Variants in FRMD3 observed in about 807,000 individuals in gnomAD.
FRMD3 encodes the protein FERM domain-containing protein 3.
A neutral mutation model predicts 70.2 loss-of-function variants in FRMD3; 33 were observed. The observed-to-expected ratio is 0.47, with a 90% CI of 0.36 to 0.63. The LOEUF is 0.63. Ranked by LOEUF, FRMD3 falls within the 20% of genes least tolerant of loss-of-function variation. The pLI is 0.00. For synonymous variants in FRMD3, 279 were observed against 255.9 expected (o/e 1.09, Z -0.86); for missense variants, 632 against 711.4 (o/e 0.89, Z 1.27).
At chr9:83,477,404 G>A (rs1227650872) in intron 1 of FRMD3, among the ~76,000 whole-genome samples, 1 of 152,132 alleles carries the variant, frequency 6.6e-6, no homozygotes, top group East Asian at 1.9e-4. Context: ...CACTTTGGCT[G>A]CATTTCAGAG....
chr9:83,584,244 G>A, the FRMD3 span, among the ~76,000 whole-genome samples: 1 of 152,078 alleles, frequency 6.6e-6, no homozygotes, highest in Non-Finnish European at 1.5e-5. Flanking sequence ...CTGGGAGATG[G>A]AGGCTGCAGT....
intron 10 of FRMD3, among the ~76,000 whole-genome samples, chr9:83,305,894 C>T (rs1835113760): frequency 1.3e-5 from 2 of 152,212 alleles, no homozygotes; most frequent in African/African-American, 4.8e-5. Context: ...GAAGCATCCA[C>T]AAGTGACTGG....
At chr9:83,557,178 T>C in the FRMD3 span, among the ~76,000 whole-genome samples, 514 of 152,340 alleles carry the variant, frequency 3.4e-3, 3 homozygotes, top group African/African-American at 0.011. Flanking sequence ...AAATTTTGAT[T>C]TATCTGCTGA....
At chr9:83,269,246 G>A (rs182533222) in intron 13 of FRMD3, among the ~76,000 whole-genome samples, 1 of 152,310 alleles carries the variant, frequency 6.6e-6, no homozygotes, top group Non-Finnish European at 1.5e-5. Context: ...TTATCATCAT[G>A]TTAAAACAAC....
intron 1 of FRMD3, among the ~76,000 whole-genome samples, chr9:83,421,163 A>C (rs915140962): frequency 2.7e-5 from 4 of 150,206 alleles, no homozygotes; most frequent in Non-Finnish European, 5.9e-5. Flanking sequence ...GATGGTCTCG[A>C]TCTCCTGACC....
intron 1 of FRMD3, among the ~76,000 whole-genome samples, chr9:83,517,546 G>C (rs1037374958): frequency 7.1e-6 from 1 of 140,086 alleles, no homozygotes; most frequent in Admixed American, 7.2e-5. Flanking sequence ...ATTCACAGGC[G>C]AATTCTACCA....
intron 3 of FRMD3, among the ~76,000 whole-genome samples, chr9:83,355,908 A>G (rs1367402053): frequency 1.3e-5 from 2 of 152,222 alleles, no homozygotes; most frequent in Non-Finnish European, 2.9e-5. Context: ...CACTGAGAAC[A>G]GCAGGGCTCC....
At chr9:83,461,710 A>C in intron 1 of FRMD3, among the ~76,000 whole-genome samples, 1 of 77,750 alleles carries the variant, frequency 1.3e-5, no homozygotes, top group African/African-American at 4.7e-5. Flanking sequence ...TTTTTTTGAG[A>C]TGGAGTCTCA....
intron 1 of FRMD3, among the ~76,000 whole-genome samples, chr9:83,515,990 AACCGAT>A (rs1489487246): frequency 6.6e-6 from 1 of 152,184 alleles, no homozygotes; most frequent in South Asian, 2.1e-4. Context: ...GGGAAGGAAA[AACCGAT>A]ACCAGCCACT....
chr9:83,348,235 CTCTCTCTCTCTCT>C (rs1564027885), intron 4 of FRMD3, among the ~76,000 whole-genome samples: 1 of 151,506 alleles, frequency 6.6e-6, no homozygotes, highest in Non-Finnish European at 1.5e-5. Context: ...TCGCTCTCTC[CTCTCTCTCTCTCT>C]TCTCTCTCTC....
rs1470879868 is a variant in FRMD3, at chr9:83,537,621, T to C, written c.147+464A>G. ...AGCAGGTTCCGGGACTGAGGGCGTC[T>C]CCGGAGCCTGGGCGCGGGAGACAGA... On this transcript the variant is annotated intron_variant, in intron 1 of 13. Transcript: ENST00000304195. The surrounding 1 kb of genome is among the most constrained non-coding windows in gnomAD (Gnocchi z 4.1). Among the ~76,000 whole-genome samples, 1 of 152,174 alleles carries C rather than the reference T, an allele frequency of 6.6e-6. No homozygotes were observed. The highest frequency in any genetic ancestry group is 1.5e-5 in the Non-Finnish European group (1 of 68,022).
chr9:83,457,955 T>A (rs1188495771), intron 1 of FRMD3, among the ~76,000 whole-genome samples: 1 of 52,836 alleles, frequency 1.9e-5, no homozygotes, highest in African/African-American at 7.7e-5. Flanking sequence ...AAAAAGTAAA[T>A]AAAATAAGTA....
intron 1 of FRMD3, among the ~76,000 whole-genome samples, chr9:83,415,943 T>C (rs1194053538): frequency 6.6e-6 from 1 of 152,158 alleles, no homozygotes; most frequent in African/African-American, 2.4e-5. Flanking sequence ...TAGACATCCT[T>C]AGTAGTAAAT....
In FRMD3 at chr9:83,481,547, A is replaced by T. The variant is rs575331443; in HGVS notation, c.147+56538T>A. ...CATATGATCATATAAACTACATTTT[A>T]AAAAATATGGAAGAGGGTACTACTC... On this transcript the variant is annotated intron_variant, in intron 1 of 13. Coordinates refer to ENST00000304195, the MANE Select transcript of FRMD3 (RefSeq NM_174938.6). 1.4e-3 allele frequency among the ~76,000 whole-genome samples: 213 copies of T among 152,316 alleles called. 2 individuals carry two copies. The highest frequency in any genetic ancestry group is 1.2e-3 in the Non-Finnish European group (80 of 68,020).
chr9:83,272,689 A>T (rs534278682), intron 13 of FRMD3, among the ~76,000 whole-genome samples: 1 of 116,870 alleles, frequency 8.6e-6, no homozygotes, highest in Non-Finnish European at 1.7e-5. Flanking sequence ...CAGTCTGGGA[A>T]GTGAGGAGCG....
At chr9:83,326,998 T>C (rs1363886380) in intron 6 of FRMD3, among the ~76,000 whole-genome samples, 1 of 152,218 alleles carries the variant, frequency 6.6e-6, no homozygotes, top group Non-Finnish European at 1.5e-5. Flanking sequence ...CAAAACCAGA[T>C]AGCATCCCAG....
intron 1 of FRMD3, among the ~76,000 whole-genome samples, chr9:83,429,574 C>T (rs1330829817): frequency 2.6e-5 from 4 of 152,186 alleles, no homozygotes; most frequent in Non-Finnish European, 5.9e-5. Context: ...CAAGGTCCCA[C>T]GTCCTTGCCA....
At chr9:83,572,327 G>A in the FRMD3 span, among the ~76,000 whole-genome samples, 1 of 152,174 alleles carries the variant, frequency 6.6e-6, no homozygotes, top group African/African-American at 2.4e-5. Flanking sequence ...GCTGGTGAGA[G>A]GATAGAATCA....
chr9:83,329,121 C>T (rs1347758119), intron 6 of FRMD3, among the ~76,000 whole-genome samples: 1 of 152,174 alleles, frequency 6.6e-6, no homozygotes, highest in Non-Finnish European at 1.5e-5. Flanking sequence ...CAGCCCATCC[C>T]TCCCTAGAAA....
Sources: gnomAD v4.1 joint callset for allele counts (sites outside exome capture counted in the v4.1 genomes callset) on GRCh38, gnomAD v4.1.1 for gene constraint, Gnocchi (gnomAD v3.1) non-coding constraint, MANE v1.5 for transcripts, NCBI Gene and HGNC (gene_info 2026-07-23, HGNC 2026-07-21) for gene names.